The following DNAI1 variants were observed in gnomAD, a reference collection of about 807,000 sequenced individuals.
The protein encoded by DNAI1 is dynein axonemal intermediate chain 1, also known as dynein, axonemal, intermediate polypeptide 1.
In DNAI1, 67 loss-of-function variants were observed where a neutral mutation model predicts 92.0. The ratio of observed to expected loss-of-function variants is 0.73; its 90% CI spans 0.60 to 0.89. The LOEUF is 0.89. DNAI1 is among the 40% of genes least tolerant of loss of function. The pLI is 0.00. For missense variants in DNAI1, 839 were observed against 866.6 expected, an observed-to-expected ratio of 0.97 and a Z score of 0.40; for synonymous variants, 323 against 319.6, an observed-to-expected ratio of 1.01 and a Z score of -0.11.
intron 1 of DNAI1, among the ~76,000 whole-genome samples, chr9:34,471,853 A>G (rs1430760089): frequency 6.6e-6 from 1 of 152,222 alleles, no homozygotes. Context: ...AGATTCAGAA[A>G]CAAAAACATT....
intron 12 of DNAI1, 93 bp from the exon 13 acceptor site, chr9:34,506,534 G>A (rs547737456): frequency 4.5e-6 from 7 of 1,563,988 alleles, no homozygotes; most frequent in East Asian, 2.3e-5. Context: ...GAGCAGGGCA[G>A]GGCTTGCCCA....
intron 16 of DNAI1, 123 bp from the exon 17 acceptor site, chr9:34,514,271 G>C: frequency 7.5e-7 from 1 of 1,333,502 alleles, no homozygotes; most frequent in Non-Finnish European, 1.1e-6. Flanking sequence ...CTTGGCCCCA[G>C]TTCAGCTGGG....
chr9:34,512,169 G>T lies in DNAI1; in HGVS notation c.1372G>T (p.Gly458Cys). 1.9e-6 allele frequency: 3 copies of T among 1,614,138 alleles called. No homozygotes were observed. The highest frequency in any genetic ancestry group is 2.5e-6 in the Non-Finnish European group (3 of 1,180,028). ...TAACTTCTTCTCTGTGTCATCTGAC[G>T]GCAGGATTGTGTCTTGGACTCTCGT... is the stretch of plus-strand genomic sequence containing the variant. ...NLNFFSVSSDGRIVSWTLVKR... is the reference protein window; with the variant it reads ...NLNFFSVSSDCRIVSWTLVKR... Residue 458 changes from glycine to cysteine, a missense_variant, in exon 14 of 20, where the codon GGC (glycine) becomes TGC (cysteine). Transcript: ENST00000242317.
intron 12 of DNAI1, among the ~76,000 whole-genome samples, chr9:34,501,398 T>C (rs565939210): frequency 5.9e-5 from 9 of 152,340 alleles, no homozygotes; most frequent in Admixed American, 5.9e-4. Flanking sequence ...GAAGGAGTTA[T>C]TCTGGTGAAG....
chr9:34,485,056 G>C, intron 2 of DNAI1, 86 bp from the exon 3 acceptor site: 1 of 1,325,390 alleles, frequency 7.5e-7, no homozygotes, highest in Non-Finnish European at 1.1e-6. Flanking sequence ...CTTGGCTTCT[G>C]GGAGTGTTTG....
chr9:34,471,990 G>A (rs895217377), intron 1 of DNAI1, among the ~76,000 whole-genome samples: 2 of 152,134 alleles, frequency 1.3e-5, no homozygotes, highest in African/African-American at 4.8e-5. Context: ...TCCTTCTGCT[G>A]TGACACCCTG....
At chr9:34,488,043 G>T in intron 4 of DNAI1, 1 of 384,518 alleles carries the variant, frequency 2.6e-6, no homozygotes, top group Non-Finnish European at 5.1e-6. Flanking sequence ...GAAACTGTAA[G>T]GGTAATTTAT....
intron 12 of DNAI1, among the ~76,000 whole-genome samples, chr9:34,502,934 A>T (rs1203506673): frequency 6.6e-6 from 1 of 152,126 alleles, no homozygotes; most frequent in Non-Finnish European, 1.5e-5. Flanking sequence ...GAGAGAGAAG[A>T]AGTAAACATG....
Position 34,501,974 on chromosome 9 carries a change from G to A in DNAI1, c.1063+793G>A, listed in dbSNP as rs191236903. ...GGCCTGGACATTCCCCCTTCCCAAC[G>A]GGAGAGGGCCCTACACTTCACAGTA... On this transcript the variant is annotated intron_variant, in intron 12 of 19. Transcript: ENST00000242317. Among the ~76,000 whole-genome samples, 6 of 152,280 alleles carry A rather than the reference G, an allele frequency of 3.9e-5. No individual in the cohort carries two copies. In the East Asian group the frequency reaches 9.7e-4, roughly 25 times the overall value.
rs749129112 is a variant in DNAI1, at chr9:34,501,222, G to A, written c.1063+41G>A. 4 of 1,498,396 alleles carry A rather than the reference G, an allele frequency of 2.7e-6. No homozygotes were observed. In the East Asian group the frequency reaches 6.8e-5, roughly 25 times the overall value. The allele number at this position is 1,498,396 out of a possible 1,614,324, so 92.8% of individuals were successfully genotyped here. A position where few individuals can be genotyped will look rare whatever the true frequency, so the allele number is the denominator to read the frequency against. ...ATTCATTTATTTGCTCATGTAAACA[G>A]CAAACACTAAGTACCTACTCTGTGC... is the stretch of plus-strand genomic sequence containing the variant. On this transcript the variant is annotated intron_variant, in intron 12 of 19. Coordinates refer to ENST00000242317, the MANE Select transcript of DNAI1 (RefSeq NM_012144.4).
chr9:34,520,206 CCT>C (rs1825243672), intron 19 of DNAI1, among the ~76,000 whole-genome samples: 1 of 152,162 alleles, frequency 6.6e-6, no homozygotes, highest in African/African-American at 2.4e-5. Flanking sequence ...GGTCCGGGCC[CCT>C]GAGGCTCTGT....
Position 34,520,283 on chromosome 9 carries a change from TC to T in DNAI1, c.2002-372del, listed in dbSNP as rs771952160. On this transcript the variant is annotated intron_variant, in intron 19 of 19. Transcript: ENST00000242317. ...CTTGATAGGTCTCGGCCAGGGACCT[TC>T]CCATGGTAAGGATGGTGCCAGCAGT... Among the ~76,000 whole-genome samples, 4 of 152,154 alleles carry T rather than the reference TC, an allele frequency of 2.6e-5. No homozygotes were observed. In the East Asian group the frequency reaches 7.8e-4, roughly 29 times the overall value.
rs115137163 is a variant in DNAI1 at position 34,499,379 on chromosome 9, G to T, written c.902-1343G>T. Among the ~76,000 whole-genome samples, 500 of 152,328 alleles carry T rather than the reference G, an allele frequency of 3.3e-3. 2 individuals carry two copies. Among genetic ancestry groups the T allele is most frequent in the African/African-American group, 0.011 (471 of 41,578 alleles). On this transcript the variant is annotated intron_variant, in intron 10 of 19. Coordinates refer to ENST00000242317, the MANE Select transcript of DNAI1 (RefSeq NM_012144.4). ...TTCATTTTCTAATTGGTCACCCTTTGTCTAAAGAAGATCAAGAACTACTTC... is the reference window on the plus strand; with the variant it reads ...TTCATTTTCTAATTGGTCACCCTTTTTCTAAAGAAGATCAAGAACTACTTC...
At chr9:34,504,635 AG>A (rs1824890108) in intron 12 of DNAI1, among the ~76,000 whole-genome samples, 1 of 152,194 alleles carries the variant, frequency 6.6e-6, no homozygotes, top group African/African-American at 2.4e-5. Flanking sequence ...TCTGTCTCTA[AG>A]GCCTTGCTCT....
rs543864155 is a variant in DNAI1 at position 34,474,406 on chromosome 9, G to T, written c.49-9042G>T. On this transcript the variant is annotated intron_variant, in intron 1 of 19. Coordinates refer to ENST00000242317, the MANE Select transcript of DNAI1 (RefSeq NM_012144.4). ...TGCAACACCACGCCTGGCTAATTTT[G>T]TTTATTTTTTTGTAGAGATGAAGTC... Among the ~76,000 whole-genome samples the T allele has an allele frequency of 7.3e-5, 11 of 150,776 alleles. No individual in the cohort carries two copies. The South Asian group carries it at 2.3e-3, about 32-fold the overall frequency.
rs188465738 is a variant in DNAI1, at chr9:34,480,102, G to A, written c.49-3346G>A. On this transcript the variant is annotated intron_variant, in intron 1 of 19. Transcript: ENST00000242317. ...TCCAATGTGCCATGCTGCCACCAAC[G>A]TGTGCCCTTCAGCTCTTCTGCTGCA... Among the ~76,000 whole-genome samples, 7 of 152,198 alleles carry A rather than the reference G, an allele frequency of 4.6e-5. No homozygotes were observed. In the East Asian group the frequency reaches 7.7e-4, roughly 17 times the overall value.
chr9:34,514,680 G>T lies in DNAI1; in HGVS notation c.1759G>T (p.Asp587Tyr), dbSNP rs1269067872. ...FIYDLNSAVG[D>Y]VAWAPYSSTV... is the part of the protein sequence containing the mutation. ...CTATGACCTGAACTCAGCCGTGGGT[G>T]ATGTGGCCTGGGCGCCATACTCTTC... is the stretch of plus-strand genomic sequence containing the variant. Residue 587 changes from aspartate (D) to tyrosine (Y), a missense_variant, in exon 18 of 20, where the codon GAT becomes TAT. Coordinates refer to ENST00000242317, the MANE Select transcript of DNAI1 (RefSeq NM_012144.4). 1 of 1,614,190 alleles carries T rather than the reference G, an allele frequency of 6.2e-7. No individual in the cohort carries two copies. Among genetic ancestry groups the T allele is most frequent in the African/African-American group, 1.3e-5 (1 of 75,058 alleles).
chr9:34,501,181 T>G lies in DNAI1; in HGVS notation c.1063T>G (p.Tyr355Asp), dbSNP rs1564037246. ...RDLFAVGYGS[Y>D]DFMKQSRGML... The stretch of plus-strand genomic sequence containing the variant: ...TCTGTTTGCAGTGGGATATGGCTCT[T>G]GTAAGTGATCTGACTATTCATTTAT... Residue 355 changes from tyrosine to aspartate, a missense_variant and splice_region_variant, in exon 12 of 20, where the codon TAT (tyrosine) becomes GAT (aspartate). Tyr to Asp is a radical substitution (Grantham distance 160). Transcript: ENST00000242317. 2 of 1,611,742 alleles carry G rather than the reference T, an allele frequency of 1.2e-6. No homozygotes were observed. The highest frequency in any genetic ancestry group is 1.7e-6 in the Non-Finnish European group (2 of 1,177,788).
chr9:34,459,445 TCTTTC>T (rs1823898576), intron 1 of DNAI1, among the ~76,000 whole-genome samples: 1 of 149,748 alleles, frequency 6.7e-6, no homozygotes, highest in African/African-American at 2.5e-5. Context: ...TTTCTTTCTT[TCTTTC>T]TTTTTTTTTT....
Sources: allele counts gnomAD v4.1 joint callset (sites outside exome capture counted in the v4.1 genomes callset), GRCh38; gene constraint gnomAD v4.1.1; transcripts MANE v1.5; gene names NCBI Gene and HGNC (gene_info 2026-07-23, HGNC 2026-07-21).